Variants in PPP5C observed in about 807,000 individuals in gnomAD.
PPP5C encodes the protein serine/threonine-protein phosphatase 5.
A neutral mutation model predicts 66.7 loss-of-function variants in PPP5C; 21 were observed. The ratio of observed to expected loss-of-function variants is 0.31; its 90% CI spans 0.22 to 0.45. The LOEUF is 0.45. Among genes scored for constraint, PPP5C ranks in the 20% least tolerant of loss-of-function variants. PPP5C has a pLI of 1.00. For missense variants in PPP5C, 464 were observed against 675.9 expected, an observed-to-expected ratio of 0.69 and a Z score of 3.48; for synonymous variants, 246 against 257.4, an observed-to-expected ratio of 0.96 and a Z score of 0.43.
Position 46,388,529 on chromosome 19 carries a change from T to C in PPP5C, c.1177-24T>C. 6.2e-7 allele frequency: 1 copy of C among 1,612,318 alleles called. No individual in the cohort carries two copies. Among genetic ancestry groups the C allele is most frequent in the Middle Eastern group, 1.7e-4 (1 of 6,052 alleles). On this transcript the variant is annotated intron_variant, in intron 10 of 12. Coordinates refer to ENST00000012443, the MANE Select transcript of PPP5C (RefSeq NM_006247.4). The surrounding 1 kb of genome is among the most constrained non-coding windows in gnomAD (Gnocchi z 4.9). ...GGCAGACAGTCACCCTGAACCCCTG[T>C]CTCTCCCTTCTGCCCACCCTCAGAA...
rs201611725 is a variant in PPP5C, at chr19:46,375,584, G to A, written c.364-20G>A. The A allele has an allele frequency of 3.7e-5, 60 of 1,612,866 alleles. No individual in the cohort carries two copies. The East Asian group carries it at 9.1e-4, about 25-fold the overall frequency. ...CCCCCACCTCAGCCTCAGTGTGCACGCCCCTTCCCTCCCACCCAGGTGGTC... is the reference window on the plus strand; with the variant it reads ...CCCCCACCTCAGCCTCAGTGTGCACACCCCTTCCCTCCCACCCAGGTGGTC... On this transcript the variant is annotated intron_variant, in intron 2 of 12. Coordinates refer to ENST00000012443, the MANE Select transcript of PPP5C (RefSeq NM_006247.4).
intron 6 of PPP5C, chr19:46,384,515 T>A (rs1398716269): frequency 1.5e-5 from 6 of 387,798 alleles, no homozygotes; most frequent in Non-Finnish European, 2.9e-5. Context: ...GTGGACTGAC[T>A]AGTCCCCGCA....
intron 2 of PPP5C, among the ~76,000 whole-genome samples, chr19:46,355,995 G>A (rs915575318): frequency 6.6e-6 from 1 of 152,264 alleles, no homozygotes; most frequent in East Asian, 1.9e-4. Context: ...TTTCCCCAGG[G>A]TAAGGAGCAG....
rs148774309 is a variant in PPP5C, at chr19:46,378,130, G to A, written c.633+1556G>A. Reference sequence around the variant, plus strand: ...TTTTACATCTTTTCTTCCACACAAAGCATTTAAAACTAAATTTCCTTCCAG... The same window carrying A: ...TTTTACATCTTTTCTTCCACACAAAACATTTAAAACTAAATTTCCTTCCAG... On this transcript the variant is annotated intron_variant, in intron 4 of 12. Transcript: ENST00000012443. Among the ~76,000 whole-genome samples the A allele has an allele frequency of 3.5e-3, 535 of 152,212 alleles. 11 individuals are homozygous for A. Among genetic ancestry groups the A allele is most frequent in the Non-Finnish European group, 2.0e-3 (135 of 68,006 alleles).
At position 46,388,546 on chromosome 19, in the gene PPP5C, C is replaced by T; in HGVS notation, c.1177-7C>T. 1.2e-6 allele frequency: 2 copies of T among 1,613,794 alleles called. No individual in the cohort carries two copies. The highest frequency in any genetic ancestry group is 8.5e-7 in the Non-Finnish European group (1 of 1,179,778). Reference sequence around the variant, plus strand: ...AACCCCTGTCTCTCCCTTCTGCCCACCCTCAGAACGGGCGCTCGATCAGCA... The same window carrying T: ...AACCCCTGTCTCTCCCTTCTGCCCATCCTCAGAACGGGCGCTCGATCAGCA... On this transcript the variant is annotated splice_region_variant and splice_polypyrimidine_tract_variant and intron_variant, in intron 10 of 12. Transcript: ENST00000012443. This position sits in a 1 kb window ranked among gnomAD's most constrained non-coding sequence, Gnocchi z 4.9.
rs558480632 is a variant in PPP5C, at chr19:46,375,703, G to C, written c.463G>C (p.Asp155His). The C allele has an allele frequency of 6.2e-7, 1 of 1,611,868 alleles. No individual in the cohort carries two copies. The highest frequency in any genetic ancestry group is 8.5e-7 in the Non-Finnish European group (1 of 1,178,960). Residue 155 changes from aspartate (D) to histidine (H), a missense_variant, in exon 3 of 13, where the codon GAC (aspartate) becomes CAC (histidine). Coordinates refer to ENST00000012443, the MANE Select transcript of PPP5C (RefSeq NM_006247.4). Reference sequence around the variant, plus strand: ...GGCCTTTGAGCGGGCCATCGCGGGCGACGAGCACAAGCGCTCCGTGGTGGA... The same window carrying C: ...GGCCTTTGAGCGGGCCATCGCGGGCCACGAGCACAAGCGCTCCGTGGTGGA... The part of the protein sequence containing the change: ...QKAFERAIAG[D>H]EHKRSVVDSL...
intron 2 of PPP5C, among the ~76,000 whole-genome samples, chr19:46,371,554 G>A (rs1972592778): frequency 6.6e-6 from 1 of 152,182 alleles, no homozygotes; most frequent in African/African-American, 2.4e-5. Flanking sequence ...GGAGGTGGCA[G>A]CTTTGTCCCA....
rs776428781 is a variant in PPP5C, at chr19:46,390,152, C to T, written c.1437+20C>T. 2 of 1,613,112 alleles carry T rather than the reference C, an allele frequency of 1.2e-6. No homozygotes were observed. The highest frequency in any genetic ancestry group is 1.7e-6 in the Non-Finnish European group (2 of 1,179,046). ...GCAGTGGTGAGTCACCCCTCAGGGC[C>T]CCTGCCCCTTCCATCCCGGCCTGGG... On this transcript the variant is annotated intron_variant, in intron 12 of 12. Transcript: ENST00000012443.
At position 46,383,362 on chromosome 19, in the gene PPP5C, G is replaced by T; in HGVS notation, c.634-49G>T. On this transcript the variant is annotated intron_variant, in intron 4 of 12. Coordinates refer to ENST00000012443, the MANE Select transcript of PPP5C (RefSeq NM_006247.4). This position sits in a 1 kb window ranked among gnomAD's most constrained non-coding sequence, Gnocchi z 5.0. ...CAGTCCAGGCTTTCGGGGCCAGGTT[G>T]GGCAGCAGCCCCTGCAGCCGGTCCC... is the stretch of plus-strand genomic sequence containing the variant. 6.3e-7 allele frequency: 1 copy of T among 1,591,142 alleles called. No individual in the cohort carries two copies. The highest frequency in any genetic ancestry group is 8.6e-7 in the Non-Finnish European group (1 of 1,169,454).
intron 1 of PPP5C, among the ~76,000 whole-genome samples, 187 bp from the exon 2 acceptor site, chr19:46,353,561 C>T (rs73561652): frequency 0.015 from 2,259 of 151,996 alleles, 66 homozygotes; most frequent in African/African-American, 0.052. Context: ...AGACTGTGGC[C>T]GAGAGGACAA....
chr19:46,350,832 C>T (rs1161067474), intron 1 of PPP5C, among the ~76,000 whole-genome samples: 1 of 152,136 alleles, frequency 6.6e-6, no homozygotes, highest in Admixed American at 6.5e-5. Flanking sequence ...GCTTGGCTCC[C>T]ACGTTCAGGT....
chr19:46,353,418 C>T (rs968208296), intron 1 of PPP5C, among the ~76,000 whole-genome samples: 1 of 151,950 alleles, frequency 6.6e-6, no homozygotes, highest in Non-Finnish European at 1.5e-5. Flanking sequence ...TCTCACTGGC[C>T]CTCAGACAAG....
chr19:46,386,995 A>G (rs1270950351), intron 7 of PPP5C, 98 bp from the exon 8 acceptor site: 9 of 1,549,374 alleles, frequency 5.8e-6, no homozygotes, highest in Non-Finnish European at 7.9e-6. Context: ...CATGGGGGCA[A>G]GGGACGCATG....
At chr19:46,352,027 T>C (rs1320959576) in intron 1 of PPP5C, among the ~76,000 whole-genome samples, 1 of 152,216 alleles carries the variant, frequency 6.6e-6, no homozygotes. Context: ...GTAATGTCAG[T>C]CCTCATCTCT....
At chr19:46,384,474 C>T (rs1039020855) in intron 6 of PPP5C, 2 of 322,014 alleles carry the variant, frequency 6.2e-6, no homozygotes, top group African/African-American at 4.2e-5. Context: ...TCCCCCATGG[C>T]TCCAGGCCTC....
Position 46,383,673 on chromosome 19 carries a change from A to G in PPP5C, c.700-107A>G. The G allele has an allele frequency of 9.3e-7, 1 of 1,073,726 alleles. No individual in the cohort carries two copies. The highest frequency in any genetic ancestry group is 1.4e-6 in the Non-Finnish European group (1 of 719,354). The allele number at this position is 1,073,726 out of a possible 1,614,324, so 66.5% of individuals were successfully genotyped here. The stretch of plus-strand genomic sequence containing the variant: ...TGTGTTCCCTGCTTGTGTCTCTTGC[A>G]TGATTCTTCTTGGTCTACTGTGAAC... On this transcript the variant is annotated intron_variant, in intron 5 of 12. Coordinates refer to ENST00000012443, the MANE Select transcript of PPP5C (RefSeq NM_006247.4). The surrounding 1 kb of genome is among the most constrained non-coding windows in gnomAD (Gnocchi z 5.0).
intron 2 of PPP5C, among the ~76,000 whole-genome samples, chr19:46,358,430 T>C (rs1213153366): frequency 6.6e-6 from 1 of 152,204 alleles, no homozygotes; most frequent in Non-Finnish European, 1.5e-5. Context: ...TTAGGTATAA[T>C]TGAGATAAGA....
chr19:46,361,682 T>C (rs1233435578), intron 2 of PPP5C, among the ~76,000 whole-genome samples: 3 of 151,002 alleles, frequency 2.0e-5, no homozygotes, highest in African/African-American at 7.3e-5. Context: ...GGAAAATCAC[T>C]TGAATCCGGG....
chr19:46,384,994 A>C, intron 7 of PPP5C, 85 bp downstream of exon 7: 1 of 1,117,668 alleles, frequency 8.9e-7, no homozygotes, highest in Non-Finnish European at 1.4e-6. Context: ...TTGCAGCTGT[A>C]TTTATTTTGT....
Sources: gnomAD v4.1 joint callset for allele counts (sites outside exome capture counted in the v4.1 genomes callset) on GRCh38, gnomAD v4.1.1 for gene constraint, Gnocchi (gnomAD v3.1) non-coding constraint, MANE v1.5 for transcripts, NCBI Gene and HGNC (gene_info 2026-07-23, HGNC 2026-07-21) for gene names.